Variants in AP3S2 observed in about 807,000 individuals in gnomAD.
The protein encoded by AP3S2 is AP-3 complex subunit sigma-2.
Under a neutral mutation model 23.4 loss-of-function variants are expected in AP3S2, and 22 were observed. The observed-to-expected ratio is 0.94, with a 90% CI of 0.67 to 1.34. The LOEUF (loss-of-function observed/expected upper bound fraction) is 1.34. Among genes scored for constraint, AP3S2 ranks in the 40% most tolerant of loss-of-function variants. The probability of loss-of-function intolerance (pLI) is 0.00; values close to 1 mark genes in which losing one functional copy is unlikely to be tolerated. For missense variants in AP3S2, 241 were observed against 236.9 expected (o/e 1.02, Z -0.11); for synonymous variants, 86 against 87.1 (o/e 0.99, Z 0.07).
intron 5 of AP3S2, among the ~76,000 whole-genome samples, chr15:89,836,991 C>A (rs895782000): frequency 6.6e-6 from 1 of 152,164 alleles, no homozygotes; most frequent in Non-Finnish European, 1.5e-5. Flanking sequence ...ACGTCTGTAA[C>A]CTCTGTGCTC....
rs1385363386 is a variant in AP3S2 at position 89,835,595 on chromosome 15, T to C, written c.502A>G (p.Ile168Val). 1.2e-6 allele frequency: 2 copies of C among 1,612,552 alleles called. No individual in the cohort carries two copies. Among genetic ancestry groups the C allele is most frequent in the Non-Finnish European group, 8.5e-7 (1 of 1,179,876 alleles). Residue 168 changes from isoleucine (I) to valine (V), a missense_variant, in exon 6 of 6, where the codon ATC becomes GTC. Coordinates refer to ENST00000336418, the MANE Select transcript of AP3S2 (RefSeq NM_005829.5). ...TTCCGAGGAATCTCTGGCAGGTTGA[T>C]GTTTTTCACAGCAGACACAGCCCGC... is the stretch of plus-strand genomic sequence containing the variant. ...PARAVSAVKN[I>V]NLPEIPRNIN... is the part of the protein sequence containing the mutation.
At chr15:89,869,151 T>C (rs1466669211) in intron 4 of AP3S2, among the ~76,000 whole-genome samples, 1 of 151,916 alleles carries the variant, frequency 6.6e-6, no homozygotes, top group Non-Finnish European at 1.5e-5. Context: ...GGGGAAAAGA[T>C]TGAGAAATCG....
At chr15:89,889,741 G>A (rs983153194) in intron 1 of AP3S2, among the ~76,000 whole-genome samples, 1 of 151,882 alleles carries the variant, frequency 6.6e-6, no homozygotes, top group Non-Finnish European at 1.5e-5. Context: ...GCGCATGCCT[G>A]TAATCCCAGC....
intron 1 of AP3S2, chr15:89,893,514 C>A (rs562725206): frequency 4.7e-5 from 19 of 400,364 alleles, no homozygotes; most frequent in African/African-American, 2.9e-4. Context: ...ATTTCTTCCT[C>A]ATGAAACTGT....
intron 1 of AP3S2, among the ~76,000 whole-genome samples, chr15:89,891,317 C>A (rs764930740): frequency 2.6e-5 from 4 of 152,084 alleles, no homozygotes; most frequent in Non-Finnish European, 5.9e-5. Flanking sequence ...GGGCAATAAG[C>A]ACATGAAAAG....
At chr15:89,867,874 A>G (rs1896179477) in intron 4 of AP3S2, among the ~76,000 whole-genome samples, 2 of 122,288 alleles carry the variant, frequency 1.6e-5, no homozygotes, top group African/African-American at 3.0e-5. Flanking sequence ...CCATCTGGGA[A>G]GTGAGGAGCG....
intron 4 of AP3S2, among the ~76,000 whole-genome samples, chr15:89,865,172 C>T (rs1006652243): frequency 6.6e-6 from 1 of 152,124 alleles, no homozygotes; most frequent in African/African-American, 2.4e-5. Context: ...TGCTCTACCT[C>T]ATCCTCAGTT....
intron 4 of AP3S2, among the ~76,000 whole-genome samples, chr15:89,858,479 GAAAGAA>G (rs1427220186): frequency 6.0e-4 from 19 of 31,804 alleles, no homozygotes; most frequent in South Asian, 1.8e-3. Flanking sequence ...AAGAAAGAAA[GAAAGAA>G]AGAAAGAAAG....
intron 3 of AP3S2, among the ~76,000 whole-genome samples, chr15:89,883,262 T>A (rs1024906340): frequency 6.6e-6 from 1 of 152,214 alleles, no homozygotes; most frequent in African/African-American, 2.4e-5. Flanking sequence ...TTTAAAAATA[T>A]TTTCTATGTC....
At chr15:89,867,927 G>C (rs1222790624) in intron 4 of AP3S2, among the ~76,000 whole-genome samples, 1 of 146,770 alleles carries the variant, frequency 6.8e-6, no homozygotes, top group African/African-American at 2.5e-5. Context: ...AGGTGGGGGG[G>C]GTCAGCCCCC....
intron 3 of AP3S2, among the ~76,000 whole-genome samples, chr15:89,879,741 G>A (rs544642323): frequency 2.5e-4 from 38 of 152,098 alleles, no homozygotes; most frequent in Admixed American, 2.3e-3. Flanking sequence ...CAGTAGCTGG[G>A]ACTACAGGCA....
rs184769920 is a variant in AP3S2, at chr15:89,888,588, G to A, written c.206C>T (p.Ala69Val). ...CACACAAAATACAAAGTAGAGGGTAGCATAGTGCCGGTAGATCAGTTTGTA... is the reference window on the plus strand; with the variant it reads ...CACACAAAATACAAAGTAGAGGGTAACATAGTGCCGGTAGATCAGTTTGTA... ...SDYKLIYRHYATLYFVFCVDS... is the reference protein window; with the variant it reads ...SDYKLIYRHYVTLYFVFCVDS... The change falls in exon 3 of 6, where the codon GCT becomes GTT. Residue 69 changes from alanine (A) to valine (V), a missense_variant. Transcript: ENST00000336418. 6.8e-6 allele frequency: 11 copies of A among 1,614,236 alleles called. No homozygotes were observed. In the East Asian group the frequency reaches 2.5e-4, roughly 36 times the overall value.
chr15:89,861,986 T>C (rs1056089944), intron 4 of AP3S2, among the ~76,000 whole-genome samples: 1 of 152,042 alleles, frequency 6.6e-6, no homozygotes, highest in Non-Finnish European at 1.5e-5. Context: ...ACAAAATAAG[T>C]AGGAGTGGTC....
rs371032834 is a variant in AP3S2, at chr15:89,871,188, A to C, written c.345+287T>G. ...AAACTATTTATCTCACCTTTGGCCA[A>C]GTAGCCAGTGACATCATTCTCCTAT... On this transcript the variant is annotated intron_variant, in intron 4 of 5. Transcript: ENST00000336418. 3.3e-5 allele frequency among the ~76,000 whole-genome samples: 5 copies of C among 152,342 alleles called. No individual in the cohort carries two copies. The South Asian group carries it at 1.0e-3, about 32-fold the overall frequency.
intron 3 of AP3S2, among the ~76,000 whole-genome samples, chr15:89,874,928 C>G (rs530669533): frequency 6.6e-6 from 1 of 152,178 alleles, no homozygotes; most frequent in Admixed American, 6.5e-5. Flanking sequence ...GGGGAAAAGA[C>G]AAGCTAACTG....
chr15:89,878,184 T>G, intron 3 of AP3S2: 2 of 597,060 alleles, frequency 3.3e-6, no homozygotes, highest in Non-Finnish European at 5.9e-6. Context: ...ACAAATAAGC[T>G]GGGTGGTGAT....
intron 4 of AP3S2, among the ~76,000 whole-genome samples, chr15:89,863,124 A>G (rs1055726154): frequency 6.6e-6 from 1 of 152,178 alleles, no homozygotes; most frequent in Admixed American, 6.5e-5. Flanking sequence ...GGTTAACAGT[A>G]TCAGATACCA....
intron 3 of AP3S2, among the ~76,000 whole-genome samples, chr15:89,885,972 C>G (rs904767747): frequency 6.6e-6 from 1 of 151,196 alleles, no homozygotes; most frequent in African/African-American, 2.4e-5. Context: ...CTTTTTAGTT[C>G]CTATTATTTT....
At chr15:89,852,196 G>C (rs1233949612) in intron 4 of AP3S2, among the ~76,000 whole-genome samples, 1 of 152,154 alleles carries the variant, frequency 6.6e-6, no homozygotes, top group Non-Finnish European at 1.5e-5. Flanking sequence ...GGGAGAACCA[G>C]AGTTCTTAGC....
Sources: gnomAD v4.1 joint callset for allele counts (sites outside exome capture counted in the v4.1 genomes callset) on GRCh38, gnomAD v4.1.1 for gene constraint, MANE v1.5 for transcripts, NCBI Gene and HGNC (gene_info 2026-07-23, HGNC 2026-07-21) for gene names.